The following ST6GALNAC1 variants were observed in gnomAD, a reference collection of about 807,000 sequenced individuals.
ST6GALNAC1 encodes the protein ST6 N-acetylgalactosaminide alpha-2,6-sialyltransferase 1.
Under a neutral mutation model 56.8 loss-of-function variants are expected in ST6GALNAC1, and 45 were observed. That is an observed-to-expected ratio of 0.79 (90% CI 0.62 to 1.02). ST6GALNAC1 has a LOEUF of 1.02. Among genes scored for constraint, ST6GALNAC1 ranks in the 50% least tolerant of loss-of-function variants. The pLI, the probability that ST6GALNAC1 is intolerant of heterozygous loss-of-function variation, is 0.00. For synonymous variants in ST6GALNAC1, 295 were observed against 297.8 expected (o/e 0.99, Z 0.10); for missense variants, 743 against 754.8 (o/e 0.98, Z 0.18).
downstream of ST6GALNAC1, among the ~76,000 whole-genome samples, chr17:76,623,715 A>G (rs909318613): frequency 6.6e-6 from 1 of 152,130 alleles, no homozygotes; most frequent in Admixed American, 6.5e-5. Context: ...CTTCTTTTCC[A>G]ATCCTTATGC....
At position 76,642,550 on chromosome 17, in the gene ST6GALNAC1, G is replaced by C. The variant is rs542281641; in HGVS notation, c.131+958C>G. 4.6e-5 allele frequency among the ~76,000 whole-genome samples: 7 copies of C among 152,262 alleles called. No individual in the cohort carries two copies. The South Asian group carries it at 1.5e-3, about 32-fold the overall frequency. ...AGTGGATAGAGGTGGAGGTATAATA[G>C]GGAGACCCTCACTTCCTGCTTCACC... On this transcript the variant is annotated intron_variant, in intron 1 of 8. Transcript: ENST00000156626.
chr17:76,622,701 G>A (rs2075753934), downstream of ST6GALNAC1, among the ~76,000 whole-genome samples: 1 of 151,944 alleles, frequency 6.6e-6, no homozygotes, highest in Non-Finnish European at 1.5e-5. Context: ...TACCAGTCTG[G>A]TATTGCCTTT....
chr17:76,621,943 C>CTTTTTTTTTTTTT (rs71158041), downstream of ST6GALNAC1, among the ~76,000 whole-genome samples: 18 of 137,954 alleles, frequency 1.3e-4, no homozygotes, highest in South Asian at 2.3e-4. Context: ...TCTTTCTTTT[C>CTTTTTTTTTTTTT]TTTTTTTTTT....
At position 76,629,234 on chromosome 17, in the gene ST6GALNAC1, C is replaced by A; in HGVS notation, c.609G>T (p.Met203Ile). Residue 203 changes from methionine (M) to isoleucine (I), a missense_variant, in exon 2 of 9, where the codon ATG (methionine) becomes ATT (isoleucine). Transcript: ENST00000156626. ...TTGACACTGCTCCTGTGGGAGCCAG[C>A]ATTCTGTGCTGACTTTTGGGAATGA... ...KTLIPKSQHR[M>I]LAPTGAVSTR... The A allele has an allele frequency of 6.2e-7, 1 of 1,614,150 alleles. No homozygotes were observed. The highest frequency in any genetic ancestry group is 1.1e-5 in the South Asian group (1 of 91,076).
At chr17:76,634,767 C>G (rs1039348346) in intron 1 of ST6GALNAC1, among the ~76,000 whole-genome samples, 1 of 151,972 alleles carries the variant, frequency 6.6e-6, no homozygotes, top group Non-Finnish European at 1.5e-5. Flanking sequence ...GCCTGTAATC[C>G]CAGCTACTTG....
At chr17:76,621,186 C>CTTTTTTTTTTT (rs775271169), downstream of ST6GALNAC1, among the ~76,000 whole-genome samples, 4 of 110,074 alleles carry the variant, frequency 3.6e-5, no homozygotes, top group East Asian at 2.9e-4. Flanking sequence ...TTCTTTCTTT[C>CTTTTTTTTTTT]TTTTTTTTTT....
intron 1 of ST6GALNAC1, among the ~76,000 whole-genome samples, chr17:76,639,636 TAAACACACACACACACACAC>T (rs1382997083): frequency 2.7e-5 from 3 of 110,218 alleles, no homozygotes; most frequent in South Asian, 3.0e-4. Flanking sequence ...AATTACATGA[TAAACACACACACACACACAC>T]ACACACACAC....
intron 1 of ST6GALNAC1, among the ~76,000 whole-genome samples, chr17:76,642,677 T>C (rs948265046): frequency 1.3e-5 from 2 of 152,130 alleles, no homozygotes; most frequent in Non-Finnish European, 2.9e-5. Context: ...ACGCCTGTCA[T>C]CCCAGCGCTT....
intron 2 of ST6GALNAC1, among the ~76,000 whole-genome samples, chr17:76,628,399 T>C (rs958905242): frequency 2.0e-5 from 3 of 151,982 alleles, no homozygotes; most frequent in Admixed American, 2.0e-4. Context: ...CGCCTCAGCC[T>C]CCTGAGTAGC....
chr17:76,625,682 T>C, intron 8 of ST6GALNAC1, 137 bp downstream of exon 8: 2 of 1,140,348 alleles, frequency 1.8e-6, no homozygotes, highest in South Asian at 1.6e-5. Context: ...CATAACTGCA[T>C]GCACCCATAC....
intron 1 of ST6GALNAC1, among the ~76,000 whole-genome samples, chr17:76,630,885 C>G (rs923624614): frequency 4.7e-5 from 7 of 147,916 alleles, no homozygotes; most frequent in African/African-American, 1.5e-4. Context: ...GCCACCGCGC[C>G]CAATTTTTTT....
chr17:76,629,308 T>C lies in ST6GALNAC1; in HGVS notation c.535A>G (p.Thr179Ala), dbSNP rs1214246950. The change falls in exon 2 of 9, where the codon ACG (threonine) becomes GCG (alanine). Residue 179 changes from threonine to alanine, a missense_variant. By Grantham distance (58) the Thr-to-Ala change is moderately conservative. Coordinates refer to ENST00000156626, the MANE Select transcript of ST6GALNAC1 (RefSeq NM_018414.5). Reference sequence around the variant, plus strand: ...TTGCCCTGGTGCTTCTCTGACACCGTCCTGGAGGCCGTCAGCTTCCTGGTC... The same window carrying C: ...TTGCCCTGGTGCTTCTCTGACACCGCCCTGGAGGCCGTCAGCTTCCTGGTC... Reference protein sequence around the residue: ...GQTRKLTASRTVSEKHQGKAA... With the variant: ...GQTRKLTASRAVSEKHQGKAA... The C allele has an allele frequency of 3.1e-6, 5 of 1,614,086 alleles. No individual in the cohort carries two copies. Among genetic ancestry groups the C allele is most frequent in the Non-Finnish European group, 4.2e-6 (5 of 1,180,034 alleles).
At chr17:76,636,699 C>T (rs1422769625) in intron 1 of ST6GALNAC1, among the ~76,000 whole-genome samples, 6 of 151,898 alleles carry the variant, frequency 4.0e-5, no homozygotes, top group African/African-American at 7.3e-5. Flanking sequence ...AGGTCGGGGG[C>T]GCCTCTGACC....
chr17:76,624,651 A>G (rs1005098771), downstream of ST6GALNAC1: 3 of 152,482 alleles, frequency 2.0e-5, no homozygotes, highest in Non-Finnish European at 2.9e-5. Flanking sequence ...GCTTAGCTCA[A>G]TTCTCGTCAT....
intron 1 of ST6GALNAC1, among the ~76,000 whole-genome samples, chr17:76,642,580 T>C (rs570968241): frequency 6.4e-4 from 98 of 152,300 alleles, no homozygotes; most frequent in African/African-American, 2.3e-3. Context: ...TTCACCTTTC[T>C]GTATTTTTTT....
Position 76,629,236 on chromosome 17 carries a change from T to C in ST6GALNAC1, c.607A>G (p.Met203Val). The stretch of plus-strand genomic sequence containing the variant: ...GACACTGCTCCTGTGGGAGCCAGCA[T>C]TCTGTGCTGACTTTTGGGAATGAGC... The part of the protein sequence containing the change: ...KTLIPKSQHR[M>V]LAPTGAVSTR... The change falls in exon 2 of 9, where the codon ATG becomes GTG. Residue 203 changes from methionine (M) to valine (V), a missense_variant. Met to Val is a conservative substitution (Grantham distance 21). Coordinates refer to ENST00000156626, the MANE Select transcript of ST6GALNAC1 (RefSeq NM_018414.5). 6.2e-7 allele frequency: 1 copy of C among 1,614,140 alleles called. No individual in the cohort carries two copies.
At position 76,630,748 on chromosome 17, in the gene ST6GALNAC1, C is replaced by T. The variant is rs940957749; in HGVS notation, c.132-1037G>A. The stretch of plus-strand genomic sequence containing the variant: ...TTACAGCGCATGCCACCACGCCTGG[C>T]TCTTTTTTTTTTTTGTATTTTTAGT... On this transcript the variant is annotated intron_variant, in intron 1 of 8. Coordinates refer to ENST00000156626, the MANE Select transcript of ST6GALNAC1 (RefSeq NM_018414.5). Among the ~76,000 whole-genome samples the T allele has an allele frequency of 4.0e-5, 6 of 150,214 alleles. No homozygotes were observed. In the East Asian group the frequency reaches 1.2e-3, roughly 29 times the overall value.
chr17:76,622,107 T>C (rs868740669), downstream of ST6GALNAC1, among the ~76,000 whole-genome samples: 22 of 151,472 alleles, frequency 1.5e-4, no homozygotes, highest in African/African-American at 4.3e-4. Context: ...CCTGCATTTC[T>C]CACTATGAGT....
chr17:76,625,681 A>G (rs1050301967), intron 8 of ST6GALNAC1, 138 bp downstream of exon 8: 2 of 1,115,418 alleles, frequency 1.8e-6, no homozygotes, highest in African/African-American at 1.6e-5. Context: ...GCATAACTGC[A>G]TGCACCCATA....
Sources: allele counts gnomAD v4.1 joint callset (sites outside exome capture counted in the v4.1 genomes callset), GRCh38; gene constraint gnomAD v4.1.1; transcripts MANE v1.5; gene names NCBI Gene and HGNC (gene_info 2026-07-23, HGNC 2026-07-21).